Variants in NUDT7 observed in about 807,000 individuals in gnomAD.
NUDT7 encodes nudix hydrolase 7.
NUDT7 carries 19 observed loss-of-function variants against 13.1 expected under a neutral mutation model. The ratio of observed to expected loss-of-function variants is 1.45; its 90% CI spans 1.01 to 2.13. The LOEUF (loss-of-function observed/expected upper bound fraction) is 2.13, where lower values mean the gene tolerates loss of function less well. Ranked by LOEUF, NUDT7 falls within the 30% of genes most tolerant of loss-of-function variation. The pLI is 0.00. For missense variants in NUDT7, 360 were observed against 291.7 expected, an observed-to-expected ratio of 1.23 and a Z score of -1.71; for synonymous variants, 132 against 109.7, an observed-to-expected ratio of 1.20 and a Z score of -1.27.
At chr16:77,731,410 A>G (rs1219229169) in intron 2 of NUDT7, among the ~76,000 whole-genome samples, 2 of 152,198 alleles carry the variant, frequency 1.3e-5, no homozygotes, top group Non-Finnish European at 2.9e-5. Flanking sequence ...CCTATCACCA[A>G]CTGACATCAT....
rs112968844 is a variant in NUDT7, at chr16:77,742,093, C to T, written c.*143C>T. The T allele has an allele frequency of 1.7e-4, 238 of 1,415,800 alleles. 1 individual carries two copies. The African/African-American group carries it at 2.9e-3, about 17-fold the overall frequency. The allele number at this position is 1,415,800 out of a possible 1,614,324, so 87.7% of individuals were successfully genotyped here. A position where few individuals can be genotyped will look rare whatever the true frequency, so the allele number is the denominator to read the frequency against. On this transcript the variant is annotated 3_prime_UTR_variant, in exon 4 of 4. Transcript: ENST00000268533. ...GTAGTTAGAATCCTTGCCTCTTTTC[C>T]AGTTGCCTTCTATTGTCTGAAAAAG... is the stretch of plus-strand genomic sequence containing the variant.
chr16:77,735,317 G>C (rs914770321), intron 2 of NUDT7: 6 of 439,632 alleles, frequency 1.4e-5, no homozygotes, highest in African/African-American at 7.9e-5. Context: ...CATCACAATA[G>C]TGAGTGAGTT....
intron 2 of NUDT7, among the ~76,000 whole-genome samples, chr16:77,730,456 T>C (rs893298009): frequency 2.0e-5 from 3 of 152,214 alleles, no homozygotes; most frequent in African/African-American, 4.8e-5. Flanking sequence ...GATTTCCTTC[T>C]TTTTTATGAC....
intron 2 of NUDT7, among the ~76,000 whole-genome samples, chr16:77,728,314 C>T (rs1300527960): frequency 6.6e-6 from 1 of 152,190 alleles, no homozygotes; most frequent in African/African-American, 2.4e-5. Flanking sequence ...CTCACTGCAA[C>T]CTCCGCCTCT....
intron 2 of NUDT7, among the ~76,000 whole-genome samples, chr16:77,726,906 C>A (rs1250601598): frequency 1.3e-5 from 2 of 152,116 alleles, no homozygotes; most frequent in Non-Finnish European, 2.9e-5. Flanking sequence ...ATGACACAGG[C>A]ATCTGCTCAG....
chr16:77,723,495 G>A (rs1258865106), intron 1 of NUDT7, among the ~76,000 whole-genome samples: 1 of 152,008 alleles, frequency 6.6e-6, no homozygotes, highest in Non-Finnish European at 1.5e-5. Flanking sequence ...CCAGCTGTGT[G>A]CCAGCCACAG....
chr16:77,724,977 G>C (rs749635621), intron 1 of NUDT7, among the ~76,000 whole-genome samples: 4 of 152,100 alleles, frequency 2.6e-5, no homozygotes, highest in Non-Finnish European at 5.9e-5. Flanking sequence ...CAGCGCTCCA[G>C]GTGATTCTGT....
chr16:77,732,681 A>G (rs8059056), intron 2 of NUDT7, among the ~76,000 whole-genome samples: 14,668 of 152,274 alleles, frequency 0.096, 817 homozygotes, highest in African/African-American at 0.16. Flanking sequence ...GCCTAGGTTT[A>G]TAGTAGTCTA....
chr16:77,732,053 G>C (rs1457700304), intron 2 of NUDT7, among the ~76,000 whole-genome samples: 2 of 152,142 alleles, frequency 1.3e-5, no homozygotes, highest in African/African-American at 2.4e-5. Context: ...AGGCCGGGGG[G>C]TGGTGGCTTA....
intron 3 of NUDT7, among the ~76,000 whole-genome samples, chr16:77,739,057 C>T (rs1253319491): frequency 2.6e-5 from 4 of 152,202 alleles, no homozygotes; most frequent in African/African-American, 9.7e-5. Context: ...CGAATATTTA[C>T]TGAGCATACA....
At chr16:77,727,044 G>A (rs2014160377) in intron 2 of NUDT7, among the ~76,000 whole-genome samples, 1 of 152,050 alleles carries the variant, frequency 6.6e-6, no homozygotes, top group African/African-American at 2.4e-5. Flanking sequence ...ACTATCATGG[G>A]GACAGTGCCA....
intron 2 of NUDT7, among the ~76,000 whole-genome samples, chr16:77,733,252 G>A (rs564800180): frequency 6.6e-6 from 1 of 152,346 alleles, no homozygotes; most frequent in East Asian, 1.9e-4. Context: ...ATAAACAACA[G>A]ATACTAATTC....
At chr16:77,729,740 G>C (rs549388155) in intron 2 of NUDT7, among the ~76,000 whole-genome samples, 1 of 152,178 alleles carries the variant, frequency 6.6e-6, no homozygotes, top group East Asian at 1.9e-4. Flanking sequence ...CAGGAGAATC[G>C]CTTGAACCTA....
At chr16:77,738,882 G>T (rs1317366530) in intron 3 of NUDT7, among the ~76,000 whole-genome samples, 1 of 152,236 alleles carries the variant, frequency 6.6e-6, no homozygotes, top group Non-Finnish European at 1.5e-5. Flanking sequence ...GTCGAATCCA[G>T]TTTCTGCCAA....
intron 1 of NUDT7, 102 bp from the exon 2 acceptor site, chr16:77,725,329 A>T (rs755044544): frequency 9.5e-7 from 1 of 1,048,082 alleles, no homozygotes; most frequent in African/African-American, 1.6e-5. Context: ...CAGAAATGGC[A>T]AACTCCTAAA....
Position 77,741,749 on chromosome 16 carries a change from T to C in NUDT7, c.516T>C (p.Asn172=), listed in dbSNP as rs772730183. 1 of 1,614,138 alleles carries C rather than the reference T, an allele frequency of 6.2e-7. No homozygotes were observed. The highest frequency in any genetic ancestry group is 1.1e-5 in the South Asian group (1 of 91,080). ...YVTRLGHRFI[N]HIFEYTNPED... ...CACGTCTTGGTCACCGTTTTATTAA[T>C]CATATCTTTGAGTACACAAACCCTG... Residue 172 remains asparagine, a synonymous_variant, in exon 4 of 4, where the codon AAT becomes AAC. Coordinates refer to ENST00000268533, the MANE Select transcript of NUDT7 (RefSeq NM_001105663.3).
At chr16:77,724,443 T>TG (rs1301761793) in intron 1 of NUDT7, among the ~76,000 whole-genome samples, 2 of 151,694 alleles carry the variant, frequency 1.3e-5, no homozygotes, top group African/African-American at 2.4e-5. Context: ...TGCTTTTTTT[T>TG]TTTTTCTTTT....
intron 2 of NUDT7, among the ~76,000 whole-genome samples, chr16:77,729,007 A>T (rs1360960780): frequency 6.6e-6 from 1 of 152,186 alleles, no homozygotes; most frequent in African/African-American, 2.4e-5. Context: ...GAGAAAATTC[A>T]GGAACAAAGC....
chr16:77,732,052 G>A (rs1479314517), intron 2 of NUDT7, among the ~76,000 whole-genome samples: 13 of 152,020 alleles, frequency 8.6e-5, no homozygotes, highest in Admixed American at 6.6e-5. Context: ...AAGGCCGGGG[G>A]GTGGTGGCTT....
Sources: gnomAD v4.1 joint callset for allele counts (sites outside exome capture counted in the v4.1 genomes callset) on GRCh38, gnomAD v4.1.1 for gene constraint, MANE v1.5 for transcripts, NCBI Gene and HGNC (gene_info 2026-07-23, HGNC 2026-07-21) for gene names.